Variants in EYS observed in about 807,000 individuals in gnomAD.
EYS encodes protein eyes shut homolog.
EYS carries 250 observed loss-of-function variants against 282.1 expected under a neutral mutation model. The ratio of observed to expected loss-of-function variants is 0.89; its 90% CI spans 0.80 to 0.98. The LOEUF (loss-of-function observed/expected upper bound fraction) is 0.98. Among genes scored for constraint, EYS ranks in the 50% least tolerant of loss-of-function variants. The pLI, the probability that EYS is intolerant of heterozygous loss-of-function variation, is 0.00. For synonymous variants in EYS, 1,355 were observed against 1,282.9 expected (o/e 1.06, Z -1.20); for missense variants, 4,016 against 3,709.0 (o/e 1.08, Z -2.15).
At chr6:64,770,284 T>C (rs983891657) in intron 22 of EYS, among the ~76,000 whole-genome samples, 1 of 151,918 alleles carries the variant, frequency 6.6e-6, no homozygotes, top group Non-Finnish European at 1.5e-5. Context: ...ATAGAAATGG[T>C]TTGTAAAGAA....
In EYS at chr6:65,072,723, A is replaced by G. The variant is rs148331637; in HGVS notation, c.2024-14996T>C. On this transcript the variant is annotated intron_variant, in intron 12 of 42. Coordinates refer to ENST00000503581, the MANE Select transcript of EYS (RefSeq NM_001142800.2). ...ATGAGGTCATCAAATTCAAAAAAGA[A>G]TCACAAAGTGAAAACTTTCAGAAAT... is the stretch of plus-strand genomic sequence containing the variant. Among the ~76,000 whole-genome samples, 466 of 151,954 alleles carry G rather than the reference A, an allele frequency of 3.1e-3. 2 individuals are homozygous for G. The highest frequency in any genetic ancestry group is 0.01 in the African/African-American group (419 of 41,554).
chr6:65,658,894 T>G (rs574335491), intron 1 of EYS, among the ~76,000 whole-genome samples: 79 of 151,004 alleles, frequency 5.2e-4, no homozygotes, highest in Non-Finnish European at 7.8e-4. Flanking sequence ...TAGCAAGCAT[T>G]ATAAAAATGA....
chr6:63,733,950 T>C (rs1582153178), intron 41 of EYS, among the ~76,000 whole-genome samples: 1 of 152,200 alleles, frequency 6.6e-6, no homozygotes, highest in East Asian at 1.9e-4. Flanking sequence ...TTTGAAAAGA[T>C]AGCCAAGAAC....
chr6:64,584,427 G>C (rs1418916952), intron 26 of EYS, among the ~76,000 whole-genome samples: 1 of 151,250 alleles, frequency 6.6e-6, no homozygotes, highest in East Asian at 1.9e-4. Context: ...TAATATATCA[G>C]TAATAATTTT....
intron 12 of EYS, among the ~76,000 whole-genome samples, chr6:65,114,999 G>T (rs901914681): frequency 6.6e-6 from 1 of 151,836 alleles, no homozygotes; most frequent in Non-Finnish European, 1.5e-5. Flanking sequence ...TCAATAGGTA[G>T]AGCTGATTTT....
At chr6:64,947,958 T>A (rs1769347357) in intron 14 of EYS, among the ~76,000 whole-genome samples, 3 of 151,824 alleles carry the variant, frequency 2.0e-5, no homozygotes, top group African/African-American at 7.2e-5. Context: ...CTCAATAATA[T>A]TTTGAAACAA....
chr6:64,270,305 C>CTTAT (rs1767900396), intron 30 of EYS, among the ~76,000 whole-genome samples: 1 of 151,480 alleles, frequency 6.6e-6, no homozygotes, highest in African/African-American at 2.4e-5. Context: ...GGTGTATATA[C>CTTAT]TTATATACTC....
At chr6:63,877,214 C>T (rs1772998729) in intron 35 of EYS, among the ~76,000 whole-genome samples, 2 of 152,122 alleles carry the variant, frequency 1.3e-5, no homozygotes, top group Non-Finnish European at 2.9e-5. Context: ...TATTTTATTT[C>T]TCCTTCACTT....
intron 31 of EYS, among the ~76,000 whole-genome samples, chr6:64,179,252 T>G (rs1462926841): frequency 6.6e-6 from 1 of 152,086 alleles, no homozygotes; most frequent in African/African-American, 2.4e-5. Context: ...GATAAAGTAC[T>G]TGCAGGCTTC....
chr6:65,272,103 CA>C (rs1767922115), intron 12 of EYS, among the ~76,000 whole-genome samples: 2 of 152,144 alleles, frequency 1.3e-5, no homozygotes, highest in South Asian at 2.1e-4. Flanking sequence ...TGTCTAGCAA[CA>C]TTAGGAAAAA....
intron 26 of EYS, among the ~76,000 whole-genome samples, chr6:64,512,407 A>G (rs1562034553): frequency 6.6e-6 from 1 of 152,018 alleles, no homozygotes; most frequent in Non-Finnish European, 1.5e-5. Flanking sequence ...GTTAAGCAAA[A>G]TTAGGCTGAG....
At chr6:63,885,878 C>T (rs1170455189) in intron 35 of EYS, among the ~76,000 whole-genome samples, 3 of 152,182 alleles carry the variant, frequency 2.0e-5, no homozygotes, top group Non-Finnish European at 2.9e-5. Context: ...TAGACTTGTA[C>T]TCTTTTGAGC....
chr6:64,325,943 C>T (rs1418829354), intron 29 of EYS, among the ~76,000 whole-genome samples: 1 of 151,968 alleles, frequency 6.6e-6, no homozygotes, highest in Non-Finnish European at 1.5e-5. Context: ...ATTGGTATTC[C>T]TAAGGAAGAA....
intron 26 of EYS, among the ~76,000 whole-genome samples, chr6:64,564,316 C>G (rs1301602853): frequency 9.3e-6 from 1 of 107,490 alleles, no homozygotes; most frequent in East Asian, 3.2e-4. Flanking sequence ...TTCCCTCTGT[C>G]GCCAGGTTGG....
At chr6:65,252,703 A>G (rs1474899904) in intron 12 of EYS, among the ~76,000 whole-genome samples, 2 of 152,006 alleles carry the variant, frequency 1.3e-5, no homozygotes, top group African/African-American at 4.8e-5. Flanking sequence ...GCCCTTGTAA[A>G]TAATTGAGAA....
intron 26 of EYS, among the ~76,000 whole-genome samples, chr6:64,483,637 T>G (rs1437128454): frequency 1.3e-5 from 2 of 151,600 alleles, no homozygotes; most frequent in East Asian, 3.9e-4. Flanking sequence ...TGTTTCTGAA[T>G]AGGGAAGCCT....
intron 12 of EYS, among the ~76,000 whole-genome samples, chr6:65,283,905 A>G (rs6902865): frequency 0.52 from 79,088 of 151,952 alleles, 22,717 homozygotes; most frequent in East Asian, 0.91. Context: ...AACAATCTAA[A>G]TAATTGCTTA....
intron 7 of EYS, among the ~76,000 whole-genome samples, chr6:65,397,703 T>C (rs1209874870): frequency 1.3e-5 from 2 of 151,884 alleles, no homozygotes; most frequent in Non-Finnish European, 2.9e-5. Context: ...TTGTGAATTG[T>C]ACTGTGATAA....
At chr6:64,540,267 C>T (rs767938841) in intron 26 of EYS, among the ~76,000 whole-genome samples, 26 of 152,198 alleles carry the variant, frequency 1.7e-4, no homozygotes, top group Non-Finnish European at 2.6e-4. Flanking sequence ...AAGGAGCTCA[C>T]CAAACTAAGG....
Sources: gnomAD v4.1 joint callset for allele counts (sites outside exome capture counted in the v4.1 genomes callset) on GRCh38, gnomAD v4.1.1 for gene constraint, MANE v1.5 for transcripts, NCBI Gene and HGNC (gene_info 2026-07-23, HGNC 2026-07-21) for gene names.